ZC3H18: variants seen among roughly 807,000 people sequenced by gnomAD.
ZC3H18 encodes the protein zinc finger CCCH domain-containing protein 18.
Under a neutral mutation model 106.1 loss-of-function variants are expected in ZC3H18, and 8 were observed. That is an observed-to-expected ratio of 0.08 (90% CI 0.04 to 0.14). The LOEUF is 0.14. Among genes scored for constraint, ZC3H18 ranks in the 10% least tolerant of loss-of-function variants. The pLI is 1.00. For synonymous variants in ZC3H18, 635 were observed against 522.1 expected (o/e 1.22, Z -2.95); for missense variants, 1,318 against 1,278.4 (o/e 1.03, Z -0.47).
chr16:88,587,508 A>G, intron 3 of ZC3H18: 1 of 1,523,554 alleles, frequency 6.6e-7, no homozygotes, highest in Non-Finnish European at 8.8e-7. Flanking sequence ...GTGCCATCTA[A>G]AGCTCACAAG....
intron 8 of ZC3H18, among the ~76,000 whole-genome samples, chr16:88,613,002 CAAAAT>C (rs955274200): frequency 6.6e-6 from 1 of 152,122 alleles, no homozygotes; most frequent in African/African-American, 2.4e-5. Flanking sequence ...GATTCTGTCT[CAAAAT>C]AAAAAGAAGA....
At chr16:88,600,051 C>G in intron 6 of ZC3H18, 103 bp downstream of exon 6, 1 of 1,390,496 alleles carries the variant, frequency 7.2e-7, no homozygotes. Context: ...CGGCTGAGAC[C>G]CAGCCCCACT....
rs377114698 is a variant in ZC3H18, at chr16:88,624,069, G to A, written c.1898+7G>A. ...CGCCGCCCGGGAAAGCAGGGTGAGT[G>A]CCCAGCCTGTGGGCAAGTCCTGGCC... is the stretch of plus-strand genomic sequence containing the variant. On this transcript the variant is annotated splice_region_variant and intron_variant, in intron 11 of 17. Transcript: ENST00000301011. 6.2e-7 allele frequency: 1 copy of A among 1,603,450 alleles called. No homozygotes were observed.
intron 11 of ZC3H18, 30 bp from the exon 12 acceptor site, chr16:88,624,572 C>T: frequency 7.4e-6 from 12 of 1,612,362 alleles, no homozygotes; most frequent in Non-Finnish European, 9.3e-6. Flanking sequence ...TCCACCAGCC[C>T]TGCCCTGCTC....
chr16:88,598,255 A>C lies in ZC3H18; in HGVS notation c.766A>C (p.Lys256Gln). 1.2e-6 allele frequency: 2 copies of C among 1,613,752 alleles called. No individual in the cohort carries two copies. Among genetic ancestry groups the C allele is most frequent in the Non-Finnish European group, 1.7e-6 (2 of 1,179,892 alleles). ...CAAGGGGAACTACTCCCTAATCACC[A>C]AAGCCGACCCCTTCCCGCCTAATGG... ...NDKGNYSLIT[K>Q]ADPFPPNGAP... is the part of the protein sequence containing the mutation. The change falls in exon 4 of 18, where the codon AAA becomes CAA. Residue 256 changes from lysine (K) to glutamine (Q), a missense_variant. Around this residue, in one of 6 missense-constraint regions of ZC3H18, gnomAD observed 78 missense variants for 67.3 expected, o/e 1.16. Coordinates refer to ENST00000301011, the MANE Select transcript of ZC3H18 (RefSeq NM_144604.4).
rs201679786 is a variant in ZC3H18, at chr16:88,577,323, C to A, written c.200C>A (p.Ser67Tyr). 7 of 1,610,154 alleles carry A rather than the reference C, an allele frequency of 4.3e-6. No individual in the cohort carries two copies. In the South Asian group the frequency reaches 7.7e-5, roughly 18 times the overall value. ...GPSQEEEDNH[S>Y]DEEDRASEPK... Reference sequence around the variant, plus strand: ...AGCCAGGAGGAGGAAGATAATCACTCCGACGAGGAGGACCGGGCAAGTGAG... The same window carrying A: ...AGCCAGGAGGAGGAAGATAATCACTACGACGAGGAGGACCGGGCAAGTGAG... The change falls in exon 2 of 18, where the codon TCC becomes TAC. Residue 67 changes from serine (S) to tyrosine (Y), a missense_variant. Transcript: ENST00000301011.
chr16:88,598,763 TG>T lies in ZC3H18; in HGVS notation c.930+53del, dbSNP rs760884508. 6.5e-6 allele frequency: 10 copies of T among 1,542,832 alleles called. No individual in the cohort carries two copies. The East Asian group carries it at 2.4e-4, about 37-fold the overall frequency. Reference sequence around the variant, plus strand: ...GACAAGAAAGATGCTATTACAGGAGTGGTTCTTGACAAAACTGGGATTTCCT... The same window carrying T: ...GACAAGAAAGATGCTATTACAGGAGTGTTCTTGACAAAACTGGGATTTCCT... On this transcript the variant is annotated intron_variant, in intron 5 of 17. Transcript: ENST00000301011.
At chr16:88,622,663 G>C in intron 9 of ZC3H18, 1 of 443,190 alleles carries the variant, frequency 2.3e-6, no homozygotes, top group Non-Finnish European at 4.0e-6. Context: ...ACTGGAGGGA[G>C]GGGCACCTGG....
chr16:88,615,061 G>GTTT (rs1905502637), intron 8 of ZC3H18, among the ~76,000 whole-genome samples: 1 of 139,648 alleles, frequency 7.2e-6, no homozygotes, highest in African/African-American at 2.8e-5. Context: ...CCCTCTGCCT[G>GTTT]GACGGGCTGC....
chr16:88,609,039 TC>T lies in ZC3H18; in HGVS notation c.1195del (p.His399IlefsTer111). 6.2e-7 allele frequency: 1 copy of T among 1,612,952 alleles called. No individual in the cohort carries two copies. The highest frequency in any genetic ancestry group is 1.6e-4 in the Middle Eastern group (1 of 6,062). ...RVQYTETEPYHNYRERERERE... is the reference protein window; with the variant it reads ...RVQYTETEPYXNYRERERERE... ...TGCAGTATACAGAAACAGAGCCGTATCATAATTACCGAGTAAGTATGACTTC... is the reference window on the plus strand; with the variant it reads ...TGCAGTATACAGAAACAGAGCCGTATATAATTACCGAGTAAGTATGACTTC... On this transcript the variant is annotated frameshift_variant, in exon 7 of 18. Coordinates refer to ENST00000301011, the MANE Select transcript of ZC3H18 (RefSeq NM_144604.4). LOFTEE classifies it high-confidence loss of function.
Position 88,577,742 on chromosome 16 carries a change from C to G in ZC3H18, c.603+16C>G, listed in dbSNP as rs371098009. The G allele has an allele frequency of 6.2e-7, 1 of 1,612,506 alleles. No individual in the cohort carries two copies. Among genetic ancestry groups the G allele is most frequent in the African/African-American group, 1.3e-5 (1 of 74,862 alleles). Reference sequence around the variant, plus strand: ...GGAAATAGACGTGAGTATGATGGAGCAGAGCGTCGCGGGGCATCCTGCCCA... The same window carrying G: ...GGAAATAGACGTGAGTATGATGGAGGAGAGCGTCGCGGGGCATCCTGCCCA... On this transcript the variant is annotated intron_variant, in intron 2 of 17. Transcript: ENST00000301011.
chr16:88,628,477 C>CTGG (rs1906454915), intron 15 of ZC3H18, among the ~76,000 whole-genome samples: 1 of 152,128 alleles, frequency 6.6e-6, no homozygotes, highest in Non-Finnish European at 1.5e-5. Context: ...GGCAAGAGGC[C>CTGG]TGGCTTCATG....
At chr16:88,571,021 G>A (rs1289512272) in intron 1 of ZC3H18, among the ~76,000 whole-genome samples, 1 of 152,218 alleles carries the variant, frequency 6.6e-6, no homozygotes, top group African/African-American at 2.4e-5. Context: ...TTGCTCCGCA[G>A]CTTCAAAGTG....
chr16:88,572,905 G>A (rs1597313747), intron 1 of ZC3H18, among the ~76,000 whole-genome samples: 1 of 151,790 alleles, frequency 6.6e-6, no homozygotes, highest in Non-Finnish European at 1.5e-5. Flanking sequence ...CTACAGGCAC[G>A]TGCCACCATG....
At chr16:88,591,587 AG>A (rs1328967450) in intron 3 of ZC3H18, among the ~76,000 whole-genome samples, 6 of 151,948 alleles carry the variant, frequency 3.9e-5, no homozygotes, top group African/African-American at 1.4e-4. Flanking sequence ...AAAAAAAAAA[AG>A]ATTGACCAAT....
rs143199995 is a variant in ZC3H18, at chr16:88,623,655, A to G, written c.1794-303A>G. ...CCAGCCCTGTCCTGTGGGTGTTTCT[A>G]TGGGAGCTGTGCTGCTGCCCCACTG... On this transcript the variant is annotated intron_variant, in intron 10 of 17. Transcript: ENST00000301011. The G allele has an allele frequency of 2.9e-3, 1,592 of 546,840 alleles. 6 individuals are homozygous for G. The highest frequency in any genetic ancestry group is 4.4e-3 in the Middle Eastern group (9 of 2,038). The allele number at this position is 546,840 out of a possible 1,614,324, so 33.9% of individuals were successfully genotyped here. A position where few individuals can be genotyped will look rare whatever the true frequency, so the allele number is the denominator to read the frequency against.
intron 8 of ZC3H18, among the ~76,000 whole-genome samples, chr16:88,620,130 C>T (rs915449606): frequency 1.1e-4 from 16 of 152,228 alleles, no homozygotes; most frequent in African/African-American, 2.9e-4. Flanking sequence ...GTTTGCCAGC[C>T]GGTTGGTTAA....
chr16:88,603,051 G>A (rs149724772), intron 6 of ZC3H18, among the ~76,000 whole-genome samples: 2,322 of 151,314 alleles, frequency 0.015, 34 homozygotes, highest in Non-Finnish European at 0.019. Flanking sequence ...TGTAAGCTCC[G>A]CCTCCTGGGT....
At chr16:88,571,277 C>G (rs1914389620) in intron 1 of ZC3H18, among the ~76,000 whole-genome samples, 1 of 152,180 alleles carries the variant, frequency 6.6e-6, no homozygotes, top group Non-Finnish European at 1.5e-5. Context: ...GTTCGAACAA[C>G]GCTAACTCAT....
Sources: gnomAD v4.1 joint callset for allele counts (sites outside exome capture counted in the v4.1 genomes callset) on GRCh38, gnomAD v4.1.1 for gene constraint, gnomAD v4.1.1 regional missense constraint, MANE v1.5 for transcripts, NCBI Gene and HGNC (gene_info 2026-07-23, HGNC 2026-07-21) for gene names.